Variants in ABR observed in about 807,000 individuals in gnomAD.
ABR encodes the protein active breakpoint cluster region-related protein.
A neutral mutation model predicts 107.2 loss-of-function variants in ABR; 35 were observed. That is an observed-to-expected ratio of 0.33 (90% CI 0.25 to 0.43). The LOEUF (loss-of-function observed/expected upper bound fraction) is 0.43, where lower values mean the gene tolerates loss of function less well. Ranked by LOEUF, ABR falls within the 20% of genes least tolerant of loss-of-function variation. ABR has a pLI of 1.00. For missense variants in ABR, 815 were observed against 1,115.2 expected (o/e 0.73, Z 3.83); for synonymous variants, 498 against 462.0 (o/e 1.08, Z -1.00).
At chr17:1,111,724 T>G (rs2038687444) in intron 2 of ABR, among the ~76,000 whole-genome samples, 1 of 151,956 alleles carries the variant, frequency 6.6e-6, no homozygotes, top group South Asian at 2.1e-4. Flanking sequence ...AAATGTGGAG[T>G]CACTTGCTTG....
At chr17:1,007,704 A>G (rs2070168485) in intron 21 of ABR, among the ~76,000 whole-genome samples, 3 of 151,590 alleles carry the variant, frequency 2.0e-5, no homozygotes, top group Admixed American at 2.0e-4. Flanking sequence ...CGTGTAGATG[A>G]AGAAACCGAA....
At chr17:1,149,392 A>T (rs1037780490) in intron 1 of ABR, among the ~76,000 whole-genome samples, 5 of 150,870 alleles carry the variant, frequency 3.3e-5, no homozygotes, top group Admixed American at 2.0e-4. Flanking sequence ...TTACAAAGGA[A>T]GATCCCACCT....
intron 3 of ABR, among the ~76,000 whole-genome samples, chr17:1,093,840 G>A (rs970006305): frequency 1.3e-5 from 2 of 152,090 alleles, no homozygotes; most frequent in African/African-American, 2.4e-5. Context: ...GGAAGAAGTC[G>A]TCTCATCTAC....
chr17:1,012,507 T>C (rs1273737949), intron 18 of ABR, 181 bp downstream of exon 18: 1 of 702,100 alleles, frequency 1.4e-6, no homozygotes, highest in East Asian at 2.7e-5. Context: ...CGCGTGCTTC[T>C]GAAGTGTCCT....
rs1197438807 is a variant in ABR at position 1,051,800 on chromosome 17, A to C, written c.1562-1166T>G. Among the ~76,000 whole-genome samples the C allele has an allele frequency of 1.3e-5, 2 of 152,166 alleles. No individual in the cohort carries two copies. The highest frequency in any genetic ancestry group is 2.9e-5 in the Non-Finnish European group (2 of 68,012). ...TCAGAACAGCTTTCCTGGCCGGGCA[A>C]GGTGGCTCACGCCTGTAAATCCCAG... is the stretch of plus-strand genomic sequence containing the variant. On this transcript the variant is annotated intron_variant, in intron 14 of 22. Transcript: ENST00000302538. This position sits in a 1 kb window ranked among gnomAD's most constrained non-coding sequence, Gnocchi z 4.3.
intron 2 of ABR, among the ~76,000 whole-genome samples, chr17:1,120,840 G>C (rs894068079): frequency 2.6e-5 from 4 of 152,192 alleles, no homozygotes; most frequent in African/African-American, 9.7e-5. Context: ...TGAGACAGTG[G>C]TAGAGTGGGG....
chr17:1,009,539 G>C, intron 21 of ABR, 140 bp downstream of exon 21: 1 of 684,330 alleles, frequency 1.5e-6, no homozygotes, highest in Admixed American at 2.2e-5. Flanking sequence ...CCCACGAGGA[G>C]GGACTGAGGA....
At chr17:1,068,644 C>G (rs1000733760) in intron 9 of ABR, among the ~76,000 whole-genome samples, 99 of 152,328 alleles carry the variant, frequency 6.5e-4, no homozygotes, top group African/African-American at 2.1e-3. Context: ...GCTCAAGGCA[C>G]AGAGCAGACC....
intron 1 of ABR, among the ~76,000 whole-genome samples, chr17:1,166,828 T>C (rs534697334): frequency 1.3e-5 from 2 of 152,270 alleles, no homozygotes; most frequent in South Asian, 2.1e-4. Context: ...GGTGTAACCC[T>C]GTCTCTACTA....
chr17:1,113,272 A>C (rs1295809365), intron 2 of ABR, among the ~76,000 whole-genome samples: 4 of 101,490 alleles, frequency 3.9e-5, no homozygotes, highest in Admixed American at 1.1e-4. Flanking sequence ...GGAAACACCT[A>C]TTGCGATTTT....
chr17:1,012,607 G>A (rs768836941), intron 18 of ABR, 81 bp downstream of exon 18: 97 of 1,037,952 alleles, frequency 9.3e-5, no homozygotes, highest in Admixed American at 2.2e-4. Context: ...GATGGGCACC[G>A]GCGGGGAGGG....
chr17:1,193,466 G>A (rs533577993), intron 1 of ABR, among the ~76,000 whole-genome samples: 1 of 152,192 alleles, frequency 6.6e-6, no homozygotes, highest in East Asian at 1.9e-4. Context: ...TTACAGAAGA[G>A]GCTCAAGTTC....
intron 10 of ABR, among the ~76,000 whole-genome samples, chr17:1,062,526 C>T (rs1397779860): frequency 7.9e-6 from 1 of 127,164 alleles, no homozygotes. Context: ...GCATGTTCCT[C>T]TAGACACTGT....
chr17:1,154,916 G>A lies in ABR; in HGVS notation c.61+24751C>T, dbSNP rs1462949195. 6.6e-6 allele frequency: 1 copy of A among 152,188 alleles called. No individual in the cohort carries two copies. The highest frequency in any genetic ancestry group is 2.4e-5 in the African/African-American group (1 of 41,414). The allele number at this position is 152,188 out of a possible 1,614,324, so 9.4% of individuals were successfully genotyped here. ...TCACCAAGGCATCCACCCAATCCTG[G>A]CGGGGCCTCAGCACAAACAGGGCCT... On this transcript the variant is annotated intron_variant, in intron 1 of 22. Transcript: ENST00000302538. The surrounding 1 kb of genome is among the most constrained non-coding windows in gnomAD (Gnocchi z 4.0).
chr17:1,146,778 G>T (rs372362824), intron 1 of ABR, among the ~76,000 whole-genome samples: 37 of 126,790 alleles, frequency 2.9e-4, no homozygotes, highest in East Asian at 2.4e-3. Flanking sequence ...ACTGCCACCA[G>T]GCCACCACTG....
chr17:1,183,662 C>T (rs1265081533), upstream of ABR, among the ~76,000 whole-genome samples: 1 of 152,162 alleles, frequency 6.6e-6, no homozygotes, highest in Non-Finnish European at 1.5e-5. Context: ...ATGTTAGCAG[C>T]TCAGCTCCAC....
chr17:1,057,422 G>A (rs564308920), intron 12 of ABR, among the ~76,000 whole-genome samples: 4 of 149,416 alleles, frequency 2.7e-5, no homozygotes, highest in Admixed American at 2.0e-4. Flanking sequence ...CTGTCGCCCA[G>A]GCTGGAGTGC....
In ABR at chr17:1,004,107, T is replaced by A. The variant is rs1271258471; in HGVS notation, c.*1973A>T. On this transcript the variant is annotated 3_prime_UTR_variant, in exon 23 of 23. Transcript: ENST00000302538. Reference sequence around the variant, plus strand: ...GCCCAGTCTGGGCCGTGACTCACTCTGCCCCTTCCTGTCCATCACTTTGGA... The same window carrying A: ...GCCCAGTCTGGGCCGTGACTCACTCAGCCCCTTCCTGTCCATCACTTTGGA... The A allele has an allele frequency of 6.6e-6, 1 of 152,288 alleles. No homozygotes were observed. The highest frequency in any genetic ancestry group is 2.1e-4 in the South Asian group (1 of 4,830). The allele number at this position is 152,288 out of a possible 1,614,324, so 9.4% of individuals were successfully genotyped here. A position where few individuals can be genotyped will look rare whatever the true frequency, so the allele number is the denominator to read the frequency against.
intron 1 of ABR, among the ~76,000 whole-genome samples, chr17:1,227,774 G>A (rs1598160173): frequency 6.6e-6 from 1 of 151,972 alleles, no homozygotes; most frequent in Admixed American, 6.6e-5. Flanking sequence ...CACAGCAAAG[G>A]GCTCCCACGC....
Sources: allele counts gnomAD v4.1 joint callset (sites outside exome capture counted in the v4.1 genomes callset), GRCh38; gene constraint gnomAD v4.1.1; non-coding constraint Gnocchi (gnomAD v3.1); transcripts MANE v1.5; gene names NCBI Gene and HGNC (gene_info 2026-07-23, HGNC 2026-07-21).